Variants in SERPINA3 observed in about 807,000 individuals in gnomAD.
SERPINA3 encodes serpin family A member 3, also known as alpha-1-antichymotrypsin.
A neutral mutation model predicts 26.8 loss-of-function variants in SERPINA3; 32 were observed. The ratio of observed to expected loss-of-function variants is 1.20; its 90% CI spans 0.90 to 1.61. The LOEUF (loss-of-function observed/expected upper bound fraction) is 1.61. Among genes scored for constraint, SERPINA3 ranks in the 40% most tolerant of loss-of-function variants. SERPINA3 has a pLI of 0.00. For missense variants in SERPINA3, 632 were observed against 517.9 expected, an observed-to-expected ratio of 1.22 and a Z score of -2.14; for synonymous variants, 252 against 206.4, an observed-to-expected ratio of 1.22 and a Z score of -1.89.
rs199710314 is a variant in SERPINA3 at position 94,622,340 on chromosome 14, G to C, written c.918-1G>C. 1.4e-4 allele frequency: 233 copies of C among 1,614,070 alleles called. 3 individuals carry two copies. Among genetic ancestry groups the C allele is most frequent in the Non-Finnish European group, 8.5e-7 (1 of 1,180,014 alleles). On this transcript the variant is annotated splice_acceptor_variant, in intron 3 of 4. Coordinates refer to ENST00000393078, the MANE Select transcript of SERPINA3 (RefSeq NM_001085.5). LOFTEE classifies it high-confidence loss of function. ...GATACTTTTTTTTTCTCGTTTTCTAGAGAGATAGGTGAGCTCTACCTGCCA... is the reference window on the plus strand; with the variant it reads ...GATACTTTTTTTTTCTCGTTTTCTACAGAGATAGGTGAGCTCTACCTGCCA...
intron 4 of SERPINA3, 53 bp from the exon 5 acceptor site, chr14:94,623,558 T>G: frequency 1.3e-6 from 2 of 1,553,322 alleles, no homozygotes; most frequent in Non-Finnish European, 1.8e-6. Flanking sequence ...GGCAGGTCGC[T>G]GAACTCCTGC....
chr14:94,614,812 G>C lies in SERPINA3; in HGVS notation c.371G>C (p.Arg124Pro), dbSNP rs777232494. 6.2e-7 allele frequency: 1 copy of C among 1,614,146 alleles called. No individual in the cohort carries two copies. Among genetic ancestry groups the C allele is most frequent in the Non-Finnish European group, 8.5e-7 (1 of 1,180,038 alleles). The change falls in exon 2 of 5, where the codon CGC (arginine) becomes CCC (proline). Residue 124 changes from arginine to proline, a missense_variant. Arg to Pro is a moderately radical substitution (Grantham distance 103). Coordinates refer to ENST00000393078, the MANE Select transcript of SERPINA3 (RefSeq NM_001085.5). Reference sequence around the variant, plus strand: ...CACCAGAGCTTCCAGCACCTCCTGCGCACCCTCAATCAGTCCAGCGATGAG... The same window carrying C: ...CACCAGAGCTTCCAGCACCTCCTGCCCACCCTCAATCAGTCCAGCGATGAG... ...EIHQSFQHLLRTLNQSSDELQ... is the reference protein window; with the variant it reads ...EIHQSFQHLLPTLNQSSDELQ...
At chr14:94,621,732 G>T (rs1886209481) in intron 3 of SERPINA3, among the ~76,000 whole-genome samples, 1 of 151,626 alleles carries the variant, frequency 6.6e-6, no homozygotes. Context: ...ACTCTTCAGA[G>T]GCCCCCAGGC....
chr14:94,616,933 G>C (rs1362996063), intron 2 of SERPINA3, among the ~76,000 whole-genome samples: 1 of 152,146 alleles, frequency 6.6e-6, no homozygotes, highest in Non-Finnish European at 1.5e-5. Flanking sequence ...GAGCAGATGT[G>C]AGAAGATTTA....
chr14:94,612,484 A>G (rs776877883), intron 1 of SERPINA3, 37 bp downstream of exon 1: 3 of 1,289,974 alleles, frequency 2.3e-6, no homozygotes, highest in South Asian at 2.4e-5. Flanking sequence ...GAGCGGAGGA[A>G]TCTGTTTTTC....
intron 2 of SERPINA3, chr14:94,618,876 G>A: frequency 4.2e-6 from 2 of 478,954 alleles, no homozygotes; most frequent in South Asian, 4.4e-5. Flanking sequence ...TCAGGCACCA[G>A]CCTCCCACAT....
At chr14:94,616,319 C>T (rs373362403) in intron 2 of SERPINA3, among the ~76,000 whole-genome samples, 1 of 152,188 alleles carries the variant, frequency 6.6e-6, no homozygotes, top group African/African-American at 2.4e-5. Flanking sequence ...GTGCTCTGGT[C>T]CTCCTGGAGT....
chr14:94,620,221 CAT>C (rs1282056361), intron 3 of SERPINA3, among the ~76,000 whole-genome samples: 1 of 152,120 alleles, frequency 6.6e-6, no homozygotes, highest in Middle Eastern at 3.2e-3. Flanking sequence ...TAGGGAAAAG[CAT>C]TCCTGGCAGA....
chr14:94,615,190 A>T, intron 2 of SERPINA3, 106 bp downstream of exon 2: 1 of 1,230,524 alleles, frequency 8.1e-7, no homozygotes, highest in Non-Finnish European at 1.2e-6. Flanking sequence ...GAGAGTGCCC[A>T]CAGCATGGGG....
In SERPINA3 at chr14:94,623,919, C is replaced by A. The variant is rs951575325; in HGVS notation, c.*105C>A. The A allele has an allele frequency of 7.3e-6, 7 of 965,266 alleles. No homozygotes were observed. The highest frequency in any genetic ancestry group is 1.2e-5 in the Non-Finnish European group (7 of 600,942). The allele number at this position is 965,266 out of a possible 1,614,324, so 59.8% of individuals were successfully genotyped here. On this transcript the variant is annotated 3_prime_UTR_variant, in exon 5 of 5. Coordinates refer to ENST00000393078, the MANE Select transcript of SERPINA3 (RefSeq NM_001085.5). Reference sequence around the variant, plus strand: ...GCCCCTGTGCACCGAGTGGCCATGGCATGTGTGGCCCTGTCTGCTTATCCT... The same window carrying A: ...GCCCCTGTGCACCGAGTGGCCATGGAATGTGTGGCCCTGTCTGCTTATCCT...
Position 94,623,926 on chromosome 14 carries a change from G to T in SERPINA3, c.*112G>T. ...TGCACCGAGTGGCCATGGCATGTGT[G>T]GCCCTGTCTGCTTATCCTTGGAAGG... On this transcript the variant is annotated 3_prime_UTR_variant, in exon 5 of 5. Transcript: ENST00000393078. 2.2e-6 allele frequency: 2 copies of T among 917,990 alleles called. No individual in the cohort carries two copies. Among genetic ancestry groups the T allele is most frequent in the Non-Finnish European group, 3.6e-6 (2 of 559,350 alleles). The allele number at this position is 917,990 out of a possible 1,614,324, so 56.9% of individuals were successfully genotyped here. A position where few individuals can be genotyped will look rare whatever the true frequency, so the allele number is the denominator to read the frequency against.
rs1232313670 is a variant in SERPINA3, at chr14:94,622,324, T to C, written c.918-17T>C. On this transcript the variant is annotated splice_polypyrimidine_tract_variant and intron_variant, in intron 3 of 4. Transcript: ENST00000393078. Reference sequence around the variant, plus strand: ...GATCAGCAGAGGTTCAGATACTTTTTTTTTCTCGTTTTCTAGAGAGATAGG... The same window carrying C: ...GATCAGCAGAGGTTCAGATACTTTTCTTTTCTCGTTTTCTAGAGAGATAGG... 2.5e-6 allele frequency: 4 copies of C among 1,614,036 alleles called. No individual in the cohort carries two copies. The highest frequency in any genetic ancestry group is 1.7e-6 in the Non-Finnish European group (2 of 1,179,968).
rs1447075896 is a variant in SERPINA3 at position 94,623,975 on chromosome 14, C to T, written c.*161C>T. ...GGTGACAGCGATTCCCTGTGTAGCT[C>T]TCACATGCACAGGGGCCCATGGACT... On this transcript the variant is annotated 3_prime_UTR_variant, in exon 5 of 5. Transcript: ENST00000393078. The T allele has an allele frequency of 7.1e-6, 5 of 706,706 alleles. 1 individual carries two copies. The South Asian group carries it at 7.7e-5, about 11-fold the overall frequency. The allele number at this position is 706,706 out of a possible 1,614,324, so 43.8% of individuals were successfully genotyped here. A position where few individuals can be genotyped will look rare whatever the true frequency, so the allele number is the denominator to read the frequency against.
chr14:94,614,247 C>T (rs557372706), intron 1 of SERPINA3, 187 bp from the exon 2 acceptor site: 5 of 620,892 alleles, frequency 8.1e-6, no homozygotes, highest in Admixed American at 2.8e-5. Context: ...ATGGTACCTA[C>T]CTCAAAGGGT....
At chr14:94,612,521 A>G (rs1885819362) in intron 1 of SERPINA3, 74 bp downstream of exon 1, 2 of 879,786 alleles carry the variant, frequency 2.3e-6, no homozygotes. Context: ...AGCAGCCTGG[A>G]GTGTGTGGAG....
chr14:94,622,195 G>C (rs1886224804), intron 3 of SERPINA3, 146 bp from the exon 4 acceptor site: 12 of 760,638 alleles, frequency 1.6e-5, no homozygotes, highest in Non-Finnish European at 2.3e-5. Context: ...AAAGACAGGG[G>C]TTAAGAAATT....
At position 94,623,961 on chromosome 14, in the gene SERPINA3, TTC is replaced by T. The variant is rs1886303195; in HGVS notation, c.*148_*149del. Reference sequence around the variant, plus strand: ...GCTTATCCTTGGAAGGTGACAGCGATTCCCTGTGTAGCTCTCACATGCACAGG... The same window carrying T: ...GCTTATCCTTGGAAGGTGACAGCGATCCTGTGTAGCTCTCACATGCACAGG... On this transcript the variant is annotated 3_prime_UTR_variant, in exon 5 of 5. Coordinates refer to ENST00000393078, the MANE Select transcript of SERPINA3 (RefSeq NM_001085.5). The T allele has an allele frequency of 1.3e-6, 1 of 752,792 alleles. No homozygotes were observed. The highest frequency in any genetic ancestry group is 2.3e-6 in the Non-Finnish European group (1 of 426,934). 46.6% of individuals were successfully genotyped at this position (752,792 alleles called of 1,614,324 possible). A position where few individuals can be genotyped will look rare whatever the true frequency, so the allele number is the denominator to read the frequency against.
chr14:94,622,236 A>C (rs1450885730), intron 3 of SERPINA3, 105 bp from the exon 4 acceptor site: 2 of 983,958 alleles, frequency 2.0e-6, no homozygotes, highest in African/African-American at 3.2e-5. Context: ...TCCAATCAGA[A>C]GGGGGTGACT....
intron 2 of SERPINA3, chr14:94,618,958 A>G: frequency 3.4e-6 from 2 of 592,964 alleles, no homozygotes; most frequent in Non-Finnish European, 6.0e-6. Context: ...CCTGGTTCCT[A>G]TTGATTTCTC....
Sources: allele counts gnomAD v4.1 joint callset (sites outside exome capture counted in the v4.1 genomes callset), GRCh38; gene constraint gnomAD v4.1.1; transcripts MANE v1.5; gene names NCBI Gene and HGNC (gene_info 2026-07-23, HGNC 2026-07-21).